TLE2: variants seen among roughly 807,000 people sequenced by gnomAD.
The protein encoded by TLE2 is transducin-like enhancer protein 2.
In TLE2, 74 loss-of-function variants were observed where a neutral mutation model predicts 97.2. The ratio of observed to expected loss-of-function variants is 0.76; its 90% CI spans 0.63 to 0.92. The LOEUF is 0.92. Among genes scored for constraint, TLE2 ranks in the 40% least tolerant of loss-of-function variants. TLE2 has a pLI of 0.00. For missense variants in TLE2, 1,038 were observed against 1,008.7 expected, an observed-to-expected ratio of 1.03 and a Z score of -0.39; for synonymous variants, 499 against 432.1, an observed-to-expected ratio of 1.15 and a Z score of -1.92.
Position 3,017,851 on chromosome 19 carries a change from C to T in TLE2, c.559G>A (p.Ala187Thr). ...VEAEGSRVER[A>T]PSRSASPSPP... ...TGCCACTCACTTACCCTGCTCGGGG[C>T]TCTCTCCACTGACAGATTGGGAATG... The change falls in exon 8 of 20, where the codon GCC becomes ACC. Residue 187 changes from alanine to threonine, a missense_variant. Physicochemically the swap from Ala to Thr is moderately conservative, Grantham distance 58. Transcript: ENST00000262953. 1 of 1,612,248 alleles carries T rather than the reference C, an allele frequency of 6.2e-7. No homozygotes were observed. Among genetic ancestry groups the T allele is most frequent in the Non-Finnish European group, 8.5e-7 (1 of 1,179,186 alleles).
chr19:3,037,275 ACT>A (rs1341125113), intron 1 of TLE2, among the ~76,000 whole-genome samples: 2 of 152,156 alleles, frequency 1.3e-5, no homozygotes, highest in Non-Finnish European at 1.5e-5. Flanking sequence ...ACAGAGTGAG[ACT>A]CTGTCTCAAA....
At chr19:3,037,017 G>C (rs2090068074) in intron 1 of TLE2, among the ~76,000 whole-genome samples, 1 of 152,190 alleles carries the variant, frequency 6.6e-6, no homozygotes, top group African/African-American at 2.4e-5. Context: ...GGGCGTGGTG[G>C]CTCACGCCCG....
rs757256635 is a variant in TLE2 at position 3,008,904 on chromosome 19, G to A, written c.1215C>T (p.Val405=). 6.3e-6 allele frequency: 10 copies of A among 1,595,768 alleles called. No homozygotes were observed. Among genetic ancestry groups the A allele is most frequent in the Non-Finnish European group, 8.5e-6 (10 of 1,171,440 alleles). Residue 405 remains valine (V), a synonymous_variant, in exon 14 of 20, where the codon GTC becomes GTT. Transcript: ENST00000262953. Reference sequence around the variant, plus strand: ...CAGGGATGCTGGGTAGGGAGGAAGAGACGGATGACCCTCGGAGATGGGGAT... The same window carrying A: ...CAGGGATGCTGGGTAGGGAGGAAGAAACGGATGACCCTCGGAGATGGGGAT... ...ESHPHLRGSS[V]SSSLPSIPGG...
At chr19:3,016,593 A>G (rs1269663222) in intron 8 of TLE2, among the ~76,000 whole-genome samples, 1 of 137,896 alleles carries the variant, frequency 7.3e-6, no homozygotes. Flanking sequence ...CAGTCTCAAA[A>G]AAAAAAAAAA....
intron 1 of TLE2, among the ~76,000 whole-genome samples, chr19:3,039,225 CAAAAA>C (rs1198237452): frequency 3.9e-5 from 4 of 103,858 alleles, no homozygotes; most frequent in Non-Finnish European, 6.0e-5. Context: ...TTCCCCACTC[CAAAAA>C]AAAAAAAAAA....
At chr19:3,028,214 G>A (rs1007573525) in intron 3 of TLE2, 105 bp downstream of exon 3, 18 of 1,197,940 alleles carry the variant, frequency 1.5e-5, no homozygotes, top group Middle Eastern at 5.3e-4. Context: ...ATGTACAGAC[G>A]GGGAAGACGA....
chr19:3,027,651 G>C (rs905408122), intron 4 of TLE2, among the ~76,000 whole-genome samples, 178 bp downstream of exon 4: 1 of 152,084 alleles, frequency 6.6e-6, no homozygotes, highest in African/African-American at 2.4e-5. Context: ...TTCCTTCCAC[G>C]AGGCTGAAAT....
rs1183909404 is a variant in TLE2 at position 3,025,035 on chromosome 19, G to A, written c.279C>T (p.Pro93=). The change falls in exon 5 of 20, where the codon CCC becomes CCT. Residue 93 remains proline, a synonymous_variant. Coordinates refer to ENST00000262953, the MANE Select transcript of TLE2 (RefSeq NM_003260.5). ...GCCCACTCACCTCCTGGGTCAGGAA[G>A]GGGATAATCTGAGCGCAGATACCGC... ...RLSGICAQII[P]FLTQEHQQQV... 1 of 1,602,734 alleles carries A rather than the reference G, an allele frequency of 6.2e-7. No individual in the cohort carries two copies. Among genetic ancestry groups the A allele is most frequent in the African/African-American group, 1.3e-5 (1 of 74,818 alleles).
chr19:3,001,791 C>CT (rs562875053), intron 18 of TLE2, among the ~76,000 whole-genome samples: 8,303 of 111,304 alleles, frequency 0.075, 365 homozygotes, highest in African/African-American at 0.099. Context: ...TCTTTTCTTT[C>CT]TTTTTTTTTT....
Position 3,005,825 on chromosome 19 carries a change from T to G in TLE2, c.1644A>C (p.Pro548=). 1 of 1,613,980 alleles carries G rather than the reference T, an allele frequency of 6.2e-7. No individual in the cohort carries two copies. Among genetic ancestry groups the G allele is most frequent in the Non-Finnish European group, 8.5e-7 (1 of 1,179,874 alleles). ...RIKAELTSSA[P]ACYALAVSPD... ...GGCTGACGGCCAGGGCGTAGCAGGC[T>G]GGGGCTGAGGAAGTCAGCTCGGCCT... The change falls in exon 16 of 20, where the codon CCA becomes CCC. Residue 548 remains proline (P), a synonymous_variant. Transcript: ENST00000262953.
At chr19:3,000,590 C>T (rs2145106967) in intron 19 of TLE2, 57 bp downstream of exon 19, 2 of 1,498,382 alleles carry the variant, frequency 1.3e-6, no homozygotes, top group South Asian at 1.2e-5. Context: ...TCTGTCTGAC[C>T]CTGGCATACC....
chr19:3,000,684 T>C lies in TLE2; in HGVS notation c.2087A>G (p.Asn696Ser). The C allele has an allele frequency of 6.3e-7, 1 of 1,594,268 alleles. No homozygotes were observed. Among genetic ancestry groups the C allele is most frequent in the East Asian group, 2.3e-5 (1 of 43,882 alleles). ...FVSTGKDNLL[N>S]AWRTPYGASI... Reference sequence around the variant, plus strand: ...GGCCCCGTACGGCGTCCTCCAGGCGTTGAGCAGGTTGTCCTTCCCGGTGCT... The same window carrying C: ...GGCCCCGTACGGCGTCCTCCAGGCGCTGAGCAGGTTGTCCTTCCCGGTGCT... Residue 696 changes from asparagine to serine, a missense_variant, in exon 19 of 20, where the codon AAC becomes AGC. Physicochemically the swap from Asn to Ser is conservative, Grantham distance 46 (BLOSUM62 1). Transcript: ENST00000262953.
intron 1 of TLE2, among the ~76,000 whole-genome samples, chr19:3,036,140 A>AC (rs1237119821): frequency 3.3e-5 from 5 of 151,742 alleles, no homozygotes; most frequent in African/African-American, 1.2e-4. Flanking sequence ...TCTCAGTTTT[A>AC]CCCCCAGGTG....
chr19:3,031,339 C>A (rs899035847), upstream of TLE2, among the ~76,000 whole-genome samples: 9 of 126,090 alleles, frequency 7.1e-5, no homozygotes, highest in Non-Finnish European at 1.5e-4. Flanking sequence ...GATAAAGATA[C>A]AATTGTGTGT....
At chr19:3,014,652 GC>G (rs1470856398) in intron 9 of TLE2, 38 bp from the exon 10 acceptor site, 41 of 1,546,276 alleles carry the variant, frequency 2.7e-5, no homozygotes, top group South Asian at 3.7e-5. Context: ...TTGTGGTCAT[GC>G]CCCTGCCTCC....
chr19:3,009,784 T>C, intron 12 of TLE2, 82 bp from the exon 13 acceptor site: 1 of 1,510,392 alleles, frequency 6.6e-7, no homozygotes, highest in South Asian at 1.3e-5. Context: ...TCCCTGGCCT[T>C]TCATTTAGAG....
At chr19:3,017,252 C>G (rs970820144) in intron 8 of TLE2, among the ~76,000 whole-genome samples, 1 of 152,062 alleles carries the variant, frequency 6.6e-6, no homozygotes, top group Admixed American at 6.6e-5. Context: ...ATTCTCCTGC[C>G]TTGACCTCCC....
At chr19:3,036,838 G>A (rs1256851118) in intron 1 of TLE2, among the ~76,000 whole-genome samples, 2 of 152,188 alleles carry the variant, frequency 1.3e-5, no homozygotes, top group Non-Finnish European at 2.9e-5. Context: ...TGGGAGGAGG[G>A]GGAGACAGCC....
At chr19:3,012,841 A>C (rs1300995230) in intron 11 of TLE2, among the ~76,000 whole-genome samples, 1 of 152,098 alleles carries the variant, frequency 6.6e-6, no homozygotes, top group Non-Finnish European at 1.5e-5. Flanking sequence ...ACACCATCGC[A>C]CAAACAGTGA....
Sources: allele counts gnomAD v4.1 joint callset (sites outside exome capture counted in the v4.1 genomes callset), GRCh38; gene constraint gnomAD v4.1.1; transcripts MANE v1.5; gene names NCBI Gene and HGNC (gene_info 2026-07-23, HGNC 2026-07-21).